Variants in PDE4D observed in about 807,000 individuals in gnomAD.
The protein encoded by PDE4D is 3',5'-cyclic-AMP phosphodiesterase 4D.
PDE4D carries 24 observed loss-of-function variants against 87.4 expected under a neutral mutation model. The ratio of observed to expected loss-of-function variants is 0.27; its 90% confidence interval spans 0.20 to 0.39. The LOEUF is 0.39. PDE4D is among the 10% of genes least tolerant of loss of function. PDE4D has a pLI of 1.00. For missense variants in PDE4D, 714 were observed against 1,041.0 expected (o/e 0.69, Z 4.32); for synonymous variants, 384 against 383.2 (o/e 1.00, Z -0.02).
chr5:59,807,713 C>T (rs1316764051), intron 1 of PDE4D, among the ~76,000 whole-genome samples: 2 of 152,142 alleles, frequency 1.3e-5, no homozygotes, highest in Admixed American at 1.3e-4. Context: ...TCAGGTTCTG[C>T]ATTTGAACTT....
chr5:59,974,531 GAAA>G (rs1249668457), intron 3 of PDE4D, among the ~76,000 whole-genome samples: 1 of 152,158 alleles, frequency 6.6e-6, no homozygotes, highest in Non-Finnish European at 1.5e-5. Context: ...AATAGATGCT[GAAA>G]TGTACTAGGA....
chr5:59,594,904 G>C (rs545145311), intron 1 of PDE4D, among the ~76,000 whole-genome samples: 2 of 152,116 alleles, frequency 1.3e-5, no homozygotes, highest in East Asian at 1.9e-4. Flanking sequence ...TATCAATGTA[G>C]GTTCAATTGT....
chr5:59,154,540 G>A (rs1435353598), intron 5 of PDE4D, among the ~76,000 whole-genome samples: 2 of 152,104 alleles, frequency 1.3e-5, no homozygotes, highest in African/African-American at 2.4e-5. Flanking sequence ...ATATTAGCAG[G>A]TTAGAGAAGA....
chr5:59,934,316 G>T (rs1756319616), intron 3 of PDE4D, among the ~76,000 whole-genome samples: 1 of 152,160 alleles, frequency 6.6e-6, no homozygotes, highest in African/African-American at 2.4e-5. Context: ...TTTTGTGAGG[G>T]TTATGATACT....
At position 60,019,425 on chromosome 5, in the gene PDE4D, T is replaced by C. The variant is rs538580575; in HGVS notation, c.43-30708A>G. ...GGCACTGACTTCTCCACTCTAACTA[T>C]GAAAGTCCTAGGTGACATCTCTTCC... On this transcript the variant is annotated intron_variant, in intron 2 of 16. Coordinates refer to the PDE4D transcript ENST00000502484. Among the ~76,000 whole-genome samples the C allele has an allele frequency of 3.9e-5, 6 of 152,326 alleles. No homozygotes were observed. In the East Asian group the frequency reaches 9.6e-4, roughly 24 times the overall value.
chr5:59,229,490 G>T (rs1004216883), intron 1 of PDE4D, among the ~76,000 whole-genome samples: 1 of 152,164 alleles, frequency 6.6e-6, no homozygotes, highest in Non-Finnish European at 1.5e-5. Flanking sequence ...ACAGCAGTCA[G>T]CCATGCAATC....
chr5:60,337,784 C>T (rs1757945596), intron 1 of PDE4D, among the ~76,000 whole-genome samples: 1 of 151,956 alleles, frequency 6.6e-6, no homozygotes, highest in African/African-American at 2.4e-5. Context: ...TCCAACACCA[C>T]ATCTCTCCCT....
At chr5:59,695,392 T>C (rs1267262105) in intron 1 of PDE4D, among the ~76,000 whole-genome samples, 2 of 152,130 alleles carry the variant, frequency 1.3e-5, no homozygotes, top group Non-Finnish European at 2.9e-5. Context: ...ATGTCATCTC[T>C]GTGCATAACA....
At chr5:59,291,169 T>G (rs968461282) in intron 1 of PDE4D, among the ~76,000 whole-genome samples, 1 of 152,106 alleles carries the variant, frequency 6.6e-6, no homozygotes, top group Non-Finnish European at 1.5e-5. Flanking sequence ...AGCCAGGATT[T>G]GGAAGCAATC....
Position 59,663,461 on chromosome 5 carries a change from G to A in PDE4D, c.455+229707C>T, listed in dbSNP as rs142761009. 6.7e-4 allele frequency among the ~76,000 whole-genome samples: 102 copies of A among 152,148 alleles called. No individual in the cohort carries two copies. In the South Asian group the frequency reaches 8.1e-3, roughly 12 times the overall value. ...TCTGGGATAACAGGCATGAGCCATC[G>A]TGCCCAGCCTCTGTTGATATTTTTC... is the stretch of plus-strand genomic sequence containing the variant. On this transcript the variant is annotated intron_variant, in intron 1 of 14. Transcript: ENST00000340635.
At chr5:60,476,607 CTTG>C (rs1748346771) in intron 1 of PDE4D, among the ~76,000 whole-genome samples, 1 of 152,174 alleles carries the variant, frequency 6.6e-6, no homozygotes, top group Non-Finnish European at 1.5e-5. Context: ...GATCTGGTCC[CTTG>C]TTGTCTCCCC....
intron 1 of PDE4D, among the ~76,000 whole-genome samples, chr5:60,226,331 G>A (rs867670358): frequency 2.0e-5 from 3 of 151,978 alleles, no homozygotes; most frequent in Admixed American, 1.3e-4. Context: ...TAAAAACAAA[G>A]TACTAGACTT....
intron 1 of PDE4D, among the ~76,000 whole-genome samples, chr5:59,724,942 GC>G (rs1322459542): frequency 6.6e-6 from 1 of 152,020 alleles, no homozygotes; most frequent in Non-Finnish European, 1.5e-5. Context: ...ACCTGGCTCT[GC>G]TTTTCATTTA....
intron 3 of PDE4D, among the ~76,000 whole-genome samples, chr5:59,957,981 G>C (rs920005210): frequency 6.6e-6 from 1 of 152,098 alleles, no homozygotes; most frequent in African/African-American, 2.4e-5. Flanking sequence ...AGGCAACTTG[G>C]GGAATGCTTT....
chr5:59,586,553 T>G (rs986496682), intron 1 of PDE4D: 22 of 1,392,554 alleles, frequency 1.6e-5, no homozygotes, highest in Non-Finnish European at 1.9e-5. Context: ...AAATAGCAAT[T>G]ACAAAAGGCC....
chr5:59,497,373 T>C (rs1469838066), intron 1 of PDE4D, among the ~76,000 whole-genome samples: 2 of 151,914 alleles, frequency 1.3e-5, no homozygotes, highest in African/African-American at 4.8e-5. Flanking sequence ...AGATATAGAA[T>C]TCAGAATCTA....
At chr5:60,006,322 G>C (rs550007167) in intron 2 of PDE4D, among the ~76,000 whole-genome samples, 9 of 151,948 alleles carry the variant, frequency 5.9e-5, no homozygotes, top group African/African-American at 2.2e-4. Flanking sequence ...ACTATTCTCT[G>C]TACTTTTGCA....
At chr5:59,457,106 TA>T (rs1800039335) in intron 1 of PDE4D, among the ~76,000 whole-genome samples, 1 of 152,254 alleles carries the variant, frequency 6.6e-6, no homozygotes, top group Non-Finnish European at 1.5e-5. Flanking sequence ...CTACATTCGG[TA>T]AAATCCTATC....
intron 1 of PDE4D, among the ~76,000 whole-genome samples, chr5:59,339,868 A>C (rs771283541): frequency 6.6e-5 from 10 of 152,104 alleles, no homozygotes; most frequent in African/African-American, 2.4e-4. Flanking sequence ...CAAATCCCCT[A>C]ATTCACTAAT....
Sources: gnomAD v4.1 joint callset for allele counts (sites outside exome capture counted in the v4.1 genomes callset) on GRCh38, gnomAD v4.1.1 for gene constraint, MANE v1.5 for transcripts, NCBI Gene and HGNC (gene_info 2026-07-23, HGNC 2026-07-21) for gene names.